The following PUDP variants were observed in gnomAD, a reference collection of about 807,000 sequenced individuals.
The protein encoded by PUDP is pseudouridine 5'-phosphatase.
PUDP carries 8 observed loss-of-function variants against 9.4 expected under a neutral mutation model. The ratio of observed to expected loss-of-function variants is 0.85; its 90% CI spans 0.50 to 1.53. The LOEUF (loss-of-function observed/expected upper bound fraction) is 1.53. PUDP is among the 40% of genes most tolerant of loss of function. PUDP has a pLI of 0.00. For synonymous variants in PUDP, 99 were observed against 80.7 expected (o/e 1.23, Z -1.22); for missense variants, 188 against 189.7 (o/e 0.99, Z 0.05).
upstream of PUDP, among the ~76,000 whole-genome samples, chrX:6,724,984 C>G (rs759986795): frequency 8.9e-5 from 10 of 111,831 alleles, no homozygotes; most frequent in South Asian, 3.8e-3. Context: ...GGCAATGGAA[C>G]AAGAGGCAAC....
At chrX:6,851,976 G>A (rs1265266299) in intron 3 of PUDP, among the ~76,000 whole-genome samples, 1 of 112,422 alleles carries the variant, frequency 8.9e-6, no homozygotes, top group Non-Finnish European at 1.9e-5. Context: ...TCTGAAGAAT[G>A]AATTTGGAAC....
intron 3 of PUDP, among the ~76,000 whole-genome samples, chrX:6,837,233 A>G (rs747791891): frequency 1.8e-5 from 2 of 112,524 alleles, no homozygotes; most frequent in Admixed American, 9.4e-5. Context: ...ACCTCCAGGC[A>G]AGAACAAATA....
At chrX:6,719,422 A>T in intron 1 of PUDP, among the ~76,000 whole-genome samples, 1 of 112,402 alleles carries the variant, frequency 8.9e-6, no homozygotes, top group Non-Finnish European at 1.9e-5. Context: ...GGGGAAACAC[A>T]GCTCAGTCCA....
chrX:6,909,724 C>T (rs1927820990), intron 3 of PUDP, among the ~76,000 whole-genome samples: 1 of 111,909 alleles, frequency 8.9e-6, no homozygotes, highest in Non-Finnish European at 1.9e-5. Context: ...GCATAGGAGT[C>T]AGCGTGGATT....
intron 3 of PUDP, among the ~76,000 whole-genome samples, chrX:6,792,053 T>A (rs760581757): frequency 1.8e-5 from 2 of 111,511 alleles, no homozygotes; most frequent in Non-Finnish European, 3.8e-5. Context: ...TCCTACTGCA[T>A]TGGATGAATG....
At chrX:7,070,290 G>A (rs1370260382) in intron 3 of PUDP, among the ~76,000 whole-genome samples, 1 of 112,023 alleles carries the variant, frequency 8.9e-6, no homozygotes, top group Non-Finnish European at 1.9e-5. Context: ...GGGAGAAAGG[G>A]AAATGAAATA....
intron 1 of PUDP, among the ~76,000 whole-genome samples, chrX:6,714,861 T>C (rs1000244173): frequency 2.7e-5 from 3 of 111,494 alleles, no homozygotes; most frequent in African/African-American, 9.8e-5. Flanking sequence ...CACATCATTG[T>C]CACCACTCAG....
intron 3 of PUDP, among the ~76,000 whole-genome samples, chrX:6,959,577 G>T (rs1478691716): frequency 8.9e-6 from 1 of 112,617 alleles, no homozygotes; most frequent in Admixed American, 9.4e-5. Flanking sequence ...TGTGACAGAG[G>T]AGGAGCTGCT....
At chrX:6,804,523 G>A (rs1332727971) in intron 3 of PUDP, among the ~76,000 whole-genome samples, 1 of 112,158 alleles carries the variant, frequency 8.9e-6, no homozygotes, top group African/African-American at 3.2e-5. Context: ...CTCACTGACA[G>A]TCTAACAAAA....
At chrX:6,904,286 C>T (rs903762061) in intron 3 of PUDP, among the ~76,000 whole-genome samples, 3 of 110,503 alleles carry the variant, frequency 2.7e-5, no homozygotes, top group Non-Finnish European at 5.7e-5. Flanking sequence ...TGTAGAACAG[C>T]TGTTCTCAAC....
At chrX:7,109,326 T>C (rs1281140680) in intron 1 of PUDP, among the ~76,000 whole-genome samples, 1 of 111,857 alleles carries the variant, frequency 8.9e-6, no homozygotes, top group East Asian at 2.8e-4. Context: ...GAGAGGAAGA[T>C]TGACAAAAGG....
intron 3 of PUDP, among the ~76,000 whole-genome samples, chrX:7,067,532 C>T (rs1038628484): frequency 1.3e-4 from 14 of 111,794 alleles, no homozygotes; most frequent in African/African-American, 3.6e-4. Context: ...ACAGCTCCAC[C>T]TCCTATCAAA....
intron 3 of PUDP, among the ~76,000 whole-genome samples, chrX:6,855,318 T>C (rs1926888691): frequency 8.9e-6 from 1 of 112,366 alleles, no homozygotes; most frequent in South Asian, 3.8e-4. Context: ...TAATTGACCA[T>C]TTATCTTATC....
intron 3 of PUDP, among the ~76,000 whole-genome samples, chrX:6,752,984 G>C (rs1282605761): frequency 9.0e-6 from 1 of 111,105 alleles, no homozygotes; most frequent in African/African-American, 3.3e-5. Context: ...GATATGGTTT[G>C]GCTGTGTCCC....
At chrX:6,785,041 C>G (rs1415155067) in intron 3 of PUDP, among the ~76,000 whole-genome samples, 1 of 112,492 alleles carries the variant, frequency 8.9e-6, no homozygotes, top group Non-Finnish European at 1.9e-5. Context: ...TAACCAGAAC[C>G]CTGAATCTTT....
intron 3 of PUDP, among the ~76,000 whole-genome samples, chrX:6,942,871 G>A (rs969220287): frequency 9.8e-5 from 11 of 112,177 alleles, no homozygotes; most frequent in African/African-American, 3.2e-4. Context: ...GGCCACAGCT[G>A]GAAGAGGCAA....
At chrX:7,039,883 G>T (rs190452924) in intron 1 of PUDP, among the ~76,000 whole-genome samples, 1 of 111,781 alleles carries the variant, frequency 8.9e-6, no homozygotes, top group Non-Finnish European at 1.9e-5. Flanking sequence ...GACATTCTTC[G>T]GGAGAAATGC....
At chrX:7,027,803 ATTTTCTATATATAGACTATAGAATATAC>A (rs1320658471) in intron 1 of PUDP, among the ~76,000 whole-genome samples, 334 of 20,427 alleles carry the variant, frequency 0.016, 5 homozygotes, top group African/African-American at 0.063. Flanking sequence ...AGAATATATT[ATTTTCTATATATAGACTATAGAATATAC>A]TATATTCTAT....
intron 3 of PUDP, among the ~76,000 whole-genome samples, chrX:7,052,086 G>A (rs1345558150): frequency 9.3e-6 from 1 of 107,689 alleles, no homozygotes; most frequent in Non-Finnish European, 1.9e-5. Context: ...AGGCTGAAGT[G>A]CAGTGGTGCG....
Sources: allele counts gnomAD v4.1 joint callset (sites outside exome capture counted in the v4.1 genomes callset), GRCh38; gene constraint gnomAD v4.1.1; transcripts MANE v1.5; gene names NCBI Gene and HGNC (gene_info 2026-07-23, HGNC 2026-07-21).